Variants in ADD2 observed in about 807,000 individuals in gnomAD.
ADD2 encodes adducin 2, also known as beta-adducin.
Under a neutral mutation model 83.0 loss-of-function variants are expected in ADD2, and 23 were observed. The observed-to-expected ratio is 0.28, with a 90% CI of 0.20 to 0.39. The LOEUF is 0.39. Among genes scored for constraint, ADD2 ranks in the 10% least tolerant of loss-of-function variants. The pLI, the probability that ADD2 is intolerant of heterozygous loss-of-function variation, is 1.00. For synonymous variants in ADD2, 375 were observed against 375.4 expected, an observed-to-expected ratio of 1.00 and a Z score of 0.01; for missense variants, 758 against 944.9, an observed-to-expected ratio of 0.80 and a Z score of 2.59.
intron 4 of ADD2, among the ~76,000 whole-genome samples, chr2:70,698,271 C>G (rs1426577980): frequency 6.6e-6 from 1 of 152,198 alleles, no homozygotes; most frequent in Non-Finnish European, 1.5e-5. Context: ...ATACTCACCC[C>G]ATCACATCAT....
intron 1 of ADD2, among the ~76,000 whole-genome samples, chr2:70,751,075 G>A (rs150531575): frequency 7.9e-5 from 12 of 152,300 alleles, no homozygotes; most frequent in Non-Finnish European, 1.3e-4. Context: ...AACTTTTCAG[G>A]AGCCTTGAAT....
At chr2:70,704,610 C>T (rs559212061) in intron 3 of ADD2, 151 bp from the exon 4 acceptor site, 46 of 795,568 alleles carry the variant, frequency 5.8e-5, no homozygotes, top group Non-Finnish European at 9.1e-5. Flanking sequence ...TGAGCAGTTC[C>T]ACTAGGACCT....
chr2:70,741,754 C>T (rs1298902990), intron 1 of ADD2, among the ~76,000 whole-genome samples: 1 of 152,178 alleles, frequency 6.6e-6, no homozygotes, highest in African/African-American at 2.4e-5. Flanking sequence ...CACACTGAAA[C>T]TCAATGGACA....
intron 1 of ADD2, among the ~76,000 whole-genome samples, chr2:70,723,256 C>A (rs1672818620): frequency 6.6e-6 from 1 of 152,188 alleles, no homozygotes. Context: ...AACAGTCCCT[C>A]CTCAGAGCAT....
chr2:70,706,540 G>C lies in ADD2; in HGVS notation c.-34-98C>G, dbSNP rs1671915690. 1 of 1,129,416 alleles carries C rather than the reference G, an allele frequency of 8.9e-7. No individual in the cohort carries two copies. Among genetic ancestry groups the C allele is most frequent in the African/African-American group, 1.6e-5 (1 of 64,334 alleles). 70.0% of individuals were successfully genotyped at this position (1,129,416 alleles called of 1,614,324 possible). ...GGCTAGGTTCAGTTGGATTCTCAGT[G>C]GGGTACGGCTGTTCCTAGGATGGTA... On this transcript the variant is annotated intron_variant, in intron 2 of 15. Transcript: ENST00000264436. The surrounding 1 kb of genome is among the most constrained non-coding windows in gnomAD (Gnocchi z 5.0).
intron 1 of ADD2, among the ~76,000 whole-genome samples, chr2:70,746,625 G>A (rs1574317004): frequency 6.6e-6 from 1 of 152,164 alleles, no homozygotes; most frequent in African/African-American, 2.4e-5. Flanking sequence ...TCCCCAATAG[G>A]GTAGGATGGG....
intron 1 of ADD2, among the ~76,000 whole-genome samples, chr2:70,742,131 A>G (rs1553381208): frequency 6.6e-6 from 1 of 152,246 alleles, no homozygotes; most frequent in African/African-American, 2.4e-5. Flanking sequence ...AATACATCTG[A>G]GACTACCAAT....
At chr2:70,668,985 T>C (rs1056341488) in intron 15 of ADD2, among the ~76,000 whole-genome samples, 2 of 152,100 alleles carry the variant, frequency 1.3e-5, no homozygotes, top group Admixed American at 1.3e-4. Flanking sequence ...ACTTTTCTCT[T>C]GAAAAGGCAG....
intron 2 of ADD2, among the ~76,000 whole-genome samples, chr2:70,709,287 G>A (rs1553375065): frequency 1.3e-5 from 2 of 151,554 alleles, no homozygotes; most frequent in Non-Finnish European, 1.5e-5. Flanking sequence ...GAGATGAAGG[G>A]TCGGAGGTAG....
intron 1 of ADD2, among the ~76,000 whole-genome samples, chr2:70,723,073 T>C (rs1331586162): frequency 1.3e-5 from 2 of 152,178 alleles, no homozygotes; most frequent in Non-Finnish European, 2.9e-5. Flanking sequence ...TTTCTCTACA[T>C]GAAGGACCCA....
chr2:70,767,759 G>T (rs1553386426), intron 1 of ADD2, 127 bp downstream of exon 1: 3 of 1,452,714 alleles, frequency 2.1e-6, no homozygotes, highest in Non-Finnish European at 2.7e-6. Context: ...CAGCACCGAC[G>T]CGCTCGGCAA....
At chr2:70,737,737 A>T (rs1449461542) in intron 1 of ADD2, among the ~76,000 whole-genome samples, 1 of 152,142 alleles carries the variant, frequency 6.6e-6, no homozygotes, top group Non-Finnish European at 1.5e-5. Flanking sequence ...AAATAAATAA[A>T]TTTAAAAAAG....
chr2:70,762,850 C>A (rs1055909700), intron 1 of ADD2, among the ~76,000 whole-genome samples: 1 of 151,124 alleles, frequency 6.6e-6, no homozygotes, highest in African/African-American at 2.5e-5. Context: ...GGATTAGAGG[C>A]GCCCACCACC....
chr2:70,658,354 G>A lies in ADD2; in HGVS notation c.*5071C>T, dbSNP rs782574781. On this transcript the variant is annotated 3_prime_UTR_variant, in exon 16 of 16. Transcript: ENST00000264436. ...AAGTGTGCCACATCTGAATAGGTTGGTTAGACGGGGCTTCTGGAAGTAATT... is the reference window on the plus strand; with the variant it reads ...AAGTGTGCCACATCTGAATAGGTTGATTAGACGGGGCTTCTGGAAGTAATT... 2.6e-5 allele frequency: 4 copies of A among 152,182 alleles called. No individual in the cohort carries two copies. Among genetic ancestry groups the A allele is most frequent in the Non-Finnish European group, 4.4e-5 (3 of 68,032 alleles). The allele number at this position is 152,182 out of a possible 1,614,324, so 9.4% of individuals were successfully genotyped here. A position where few individuals can be genotyped will look rare whatever the true frequency, so the allele number is the denominator to read the frequency against.
intron 4 of ADD2, among the ~76,000 whole-genome samples, chr2:70,703,553 TAAGAA>T (rs1405308894): frequency 1.3e-5 from 2 of 152,208 alleles, no homozygotes; most frequent in Non-Finnish European, 2.9e-5. Flanking sequence ...TAATTTATCT[TAAGAA>T]AATAATCACG....
chr2:70,740,634 TTTTG>T lies in ADD2; in HGVS notation c.-154+27248_-154+27251del, dbSNP rs200384214. Among the ~76,000 whole-genome samples, 1,410 of 152,018 alleles carry T rather than the reference TTTTG, an allele frequency of 9.3e-3. 79 individuals are homozygous for T. The highest frequency in any genetic ancestry group is 0.075 in the Admixed American group (1,150 of 15,246). On this transcript the variant is annotated intron_variant, in intron 1 of 15. Coordinates refer to ENST00000264436, the MANE Select transcript of ADD2 (RefSeq NM_001617.4). ...GTTGTCTTGTTTTTTGTGGGGATTT[TTTTG>T]TTTGTTTGTTTGCTTTTTGTTGTTT...
intron 1 of ADD2, among the ~76,000 whole-genome samples, chr2:70,740,187 C>G (rs1200591152): frequency 6.6e-6 from 1 of 151,976 alleles, no homozygotes; most frequent in Non-Finnish European, 1.5e-5. Flanking sequence ...AAAAAGTAAA[C>G]CCCATAATGA....
chr2:70,692,567 AAG>A lies in ADD2; in HGVS notation c.556-17_556-16del. ...TTCACCTTGATCTGCGCCAGGGAAG[AAG>A]AGAGACTTATGGCAACAGGGTGGCC... is the stretch of plus-strand genomic sequence containing the variant. On this transcript the variant is annotated splice_polypyrimidine_tract_variant and intron_variant, in intron 6 of 15. Transcript: ENST00000264436. 1 of 1,582,856 alleles carries A rather than the reference AAG, an allele frequency of 6.3e-7. No individual in the cohort carries two copies. Among genetic ancestry groups the A allele is most frequent in the Non-Finnish European group, 8.6e-7 (1 of 1,165,144 alleles).
At chr2:70,749,563 T>C (rs1265047411) in intron 1 of ADD2, among the ~76,000 whole-genome samples, 2 of 152,016 alleles carry the variant, frequency 1.3e-5, no homozygotes, top group Non-Finnish European at 2.9e-5. Flanking sequence ...AAAAACCGCA[T>C]TTCCCAGCCT....
Sources: gnomAD v4.1 joint callset for allele counts (sites outside exome capture counted in the v4.1 genomes callset) on GRCh38, gnomAD v4.1.1 for gene constraint, Gnocchi (gnomAD v3.1) non-coding constraint, MANE v1.5 for transcripts, NCBI Gene and HGNC (gene_info 2026-07-23, HGNC 2026-07-21) for gene names.